The following TTLL5 variants were observed in gnomAD, a reference collection of about 807,000 sequenced individuals.
TTLL5 encodes tubulin polyglutamylase TTLL5.
Under a neutral mutation model 168.4 loss-of-function variants are expected in TTLL5, and 132 were observed. The ratio of observed to expected loss-of-function variants is 0.78; its 90% CI spans 0.68 to 0.91. The LOEUF is 0.91. Ranked by LOEUF, TTLL5 falls within the 40% of genes least tolerant of loss-of-function variation. The pLI is 0.00. For missense variants in TTLL5, 1,545 were observed against 1,581.5 expected (o/e 0.98, Z 0.39); for synonymous variants, 546 against 558.6 (o/e 0.98, Z 0.32).
At chr14:75,666,483 G>GA (rs1566806597) in intron 2 of TTLL5, among the ~76,000 whole-genome samples, 1 of 152,210 alleles carries the variant, frequency 6.6e-6, no homozygotes, top group Non-Finnish European at 1.5e-5. Context: ...TTTGGTCACT[G>GA]AAAAAATGTC....
Position 75,707,723 on chromosome 14 carries a change from G to A in TTLL5, c.740+16G>A, listed in dbSNP as rs1461986745. 6.2e-7 allele frequency: 1 copy of A among 1,608,304 alleles called. No individual in the cohort carries two copies. The highest frequency in any genetic ancestry group is 1.1e-5 in the South Asian group (1 of 90,754). ...GATTGGCTAGGTAAGAAGCTGTTTG[G>A]GGGTGAAGGGGTTGGGTGGGTATAT... On this transcript the variant is annotated intron_variant, in intron 9 of 31. Coordinates refer to ENST00000298832, the MANE Select transcript of TTLL5 (RefSeq NM_015072.5).
chr14:75,765,950 G>A (rs1407261373), intron 19 of TTLL5, 112 bp from the exon 20 acceptor site: 5 of 821,024 alleles, frequency 6.1e-6, no homozygotes, highest in South Asian at 5.5e-5. Context: ...TCTGTGCCTT[G>A]TTTGTGGTTT....
At chr14:75,807,576 T>C (rs939635007) in intron 27 of TTLL5, among the ~76,000 whole-genome samples, 2 of 152,238 alleles carry the variant, frequency 1.3e-5, no homozygotes, top group Non-Finnish European at 2.9e-5. Context: ...TAATGAGGTG[T>C]AGGTACTTAC....
intron 31 of TTLL5, among the ~76,000 whole-genome samples, chr14:75,944,019 C>T (rs563125989): frequency 5.9e-5 from 9 of 152,266 alleles, no homozygotes; most frequent in Non-Finnish European, 1.0e-4. Flanking sequence ...TCTTTCGAGT[C>T]GCCTGCTTAG....
intron 31 of TTLL5, among the ~76,000 whole-genome samples, chr14:75,922,739 G>A (rs946306151): frequency 1.3e-4 from 20 of 152,094 alleles, no homozygotes; most frequent in South Asian, 4.2e-4. Context: ...TGATGCTGGC[G>A]TCATAAAATG....
chr14:75,856,776 G>A (rs753835678), intron 28 of TTLL5, among the ~76,000 whole-genome samples: 14 of 151,790 alleles, frequency 9.2e-5, no homozygotes, highest in Non-Finnish European at 1.9e-4. Context: ...ACAGGCACCC[G>A]CCACCACTCC....
intron 30 of TTLL5, among the ~76,000 whole-genome samples, chr14:75,891,549 G>T (rs1367235365): frequency 6.6e-6 from 1 of 152,154 alleles, no homozygotes; most frequent in African/African-American, 2.4e-5. Context: ...TGAGAGAAGG[G>T]ATAAACTCAT....
chr14:75,921,104 C>T (rs2033810524), intron 31 of TTLL5, among the ~76,000 whole-genome samples: 1 of 152,076 alleles, frequency 6.6e-6, no homozygotes, highest in Non-Finnish European at 1.5e-5. Flanking sequence ...TGTTTGTGTT[C>T]TTTGTAGATT....
intron 29 of TTLL5, among the ~76,000 whole-genome samples, chr14:75,872,441 G>A (rs2031111935): frequency 1.3e-5 from 2 of 152,066 alleles, no homozygotes; most frequent in African/African-American, 4.8e-5. Flanking sequence ...TACTCCATGG[G>A]TTTGAATCCC....
intron 18 of TTLL5, among the ~76,000 whole-genome samples, chr14:75,759,370 G>C (rs1326625846): frequency 6.6e-6 from 1 of 152,088 alleles, no homozygotes; most frequent in Non-Finnish European, 1.5e-5. Flanking sequence ...TGTATCTGTT[G>C]AGAAAATTGA....
chr14:75,779,884 G>A (rs990110047), intron 24 of TTLL5, among the ~76,000 whole-genome samples, 182 bp downstream of exon 24: 1 of 152,126 alleles, frequency 6.6e-6, no homozygotes, highest in East Asian at 1.9e-4. Flanking sequence ...AGCAGAAGAA[G>A]GGCATGGTCT....
intron 28 of TTLL5, among the ~76,000 whole-genome samples, chr14:75,858,985 A>G (rs1446521584): frequency 6.6e-6 from 1 of 152,194 alleles, no homozygotes; most frequent in East Asian, 1.9e-4. Flanking sequence ...TCATTGTGAC[A>G]ATTGAAAGCA....
At chr14:75,800,756 C>T (rs954585829) in intron 27 of TTLL5, among the ~76,000 whole-genome samples, 1 of 152,142 alleles carries the variant, frequency 6.6e-6, no homozygotes, top group Non-Finnish European at 1.5e-5. Context: ...TCTAGCCCCC[C>T]AGCAGAGCTG....
At chr14:75,756,343 C>T (rs1890261125) in intron 18 of TTLL5, among the ~76,000 whole-genome samples, 1 of 151,916 alleles carries the variant, frequency 6.6e-6, no homozygotes. Flanking sequence ...ATTAATGAGG[C>T]AGGGTTTAAG....
At chr14:75,901,712 C>G (rs550548338) in intron 30 of TTLL5, among the ~76,000 whole-genome samples, 1 of 152,316 alleles carries the variant, frequency 6.6e-6, no homozygotes, top group East Asian at 1.9e-4. Flanking sequence ...CCCACTTCCC[C>G]AGTTGAAAAC....
intron 3 of TTLL5, among the ~76,000 whole-genome samples, chr14:75,675,501 G>A (rs1214853131): frequency 6.6e-6 from 1 of 152,184 alleles, no homozygotes; most frequent in Non-Finnish European, 1.5e-5. Flanking sequence ...CATGTGAGTG[G>A]TTGGAGAAGA....
At chr14:75,906,817 G>A (rs915018764) in intron 31 of TTLL5, 1 of 744,866 alleles carries the variant, frequency 1.3e-6, no homozygotes, top group Non-Finnish European at 1.6e-6. Context: ...CCAAAACTTA[G>A]AAGGATGCTC....
chr14:75,883,818 T>C (rs1218173883), intron 30 of TTLL5, among the ~76,000 whole-genome samples: 1 of 152,218 alleles, frequency 6.6e-6, no homozygotes, highest in Non-Finnish European at 1.5e-5. Context: ...TGCAGAACTC[T>C]CTGGAGTAGT....
chr14:75,786,363 C>G (rs1032604016), intron 26 of TTLL5, among the ~76,000 whole-genome samples: 3 of 152,068 alleles, frequency 2.0e-5, no homozygotes, highest in African/African-American at 7.3e-5. Context: ...TGATAGTGAA[C>G]AAAAGAAGTT....
Sources: allele counts gnomAD v4.1 joint callset (sites outside exome capture counted in the v4.1 genomes callset), GRCh38; gene constraint gnomAD v4.1.1; transcripts MANE v1.5; gene names NCBI Gene and HGNC (gene_info 2026-07-23, HGNC 2026-07-21).